Variants in KANSL1 observed in about 807,000 individuals in gnomAD.
The protein encoded by KANSL1 is KAT8 regulatory NSL complex subunit 1, also known as MLL1/MLL complex subunit KANSL1.
A neutral mutation model predicts 103.6 loss-of-function variants in KANSL1; 22 were observed. The observed-to-expected ratio is 0.21, with a 90% CI of 0.15 to 0.30. The LOEUF is 0.30. KANSL1 is among the 10% of genes least tolerant of loss of function. The pLI is 1.00. For synonymous variants in KANSL1, 600 were observed against 527.6 expected (o/e 1.14, Z -1.88); for missense variants, 1,337 against 1,399.8 (o/e 0.96, Z 0.72).
Position 46,030,142 on chromosome 17 carries a change from TTTTTG to T in KANSL1, c.*1329_*1333del, listed in dbSNP as rs2076965423. ...CAAGGTTTTTTTTTTCCATTTTTTG[TTTTTG>T]TTTTTTTTTTCAATGCTAAAAGGGT... On this transcript the variant is annotated 3_prime_UTR_variant, in exon 15 of 15. Transcript: ENST00000432791. 12 of 146,302 alleles carry T rather than the reference TTTTTG, an allele frequency of 8.2e-5. No individual in the cohort carries two copies. The Admixed American group carries it at 8.3e-4, about 10-fold the overall frequency. The allele number at this position is 146,302 out of a possible 1,614,324, so 9.1% of individuals were successfully genotyped here. A position where few individuals can be genotyped will look rare whatever the true frequency, so the allele number is the denominator to read the frequency against.
upstream of KANSL1, among the ~76,000 whole-genome samples, chr17:46,194,900 A>G (rs2532234): frequency 0.14 from 21,949 of 152,226 alleles, 2,137 homozygotes; most frequent in Non-Finnish European, 0.22. Flanking sequence ...GTTTCTGCGA[A>G]TTTCCATTTG....
At chr17:46,198,106 A>G (rs1238002386), upstream of KANSL1, among the ~76,000 whole-genome samples, 1 of 152,188 alleles carries the variant, frequency 6.6e-6, no homozygotes, top group African/African-American at 2.4e-5. Context: ...AAAGAGACAC[A>G]TCATAAGAAC....
intron 1 of KANSL1, among the ~76,000 whole-genome samples, chr17:46,202,683 C>T (rs1381000808): frequency 2.0e-5 from 3 of 152,078 alleles, no homozygotes; most frequent in Non-Finnish European, 4.4e-5. Flanking sequence ...TGCTAAAGGT[C>T]CTGTCTTATC....
upstream of KANSL1, chr17:46,193,499 C>G (rs1369358668): frequency 6.7e-6 from 1 of 148,798 alleles, no homozygotes; most frequent in Non-Finnish European, 1.5e-5. Flanking sequence ...CCGCCGGCTG[C>G]GGCTGCGGCG....
chr17:46,106,581 C>A (rs1466672595), intron 2 of KANSL1, among the ~76,000 whole-genome samples: 1 of 151,986 alleles, frequency 6.6e-6, no homozygotes, highest in South Asian at 2.1e-4. Flanking sequence ...TTAGTAGAGA[C>A]GGGGTTTCAC....
intron 1 of KANSL1, among the ~76,000 whole-genome samples, chr17:46,181,132 CCAGTCTAACAAAAAGG>C: frequency 6.6e-6 from 1 of 152,162 alleles, no homozygotes; most frequent in Non-Finnish European, 1.5e-5. Context: ...TGTGAAGGGG[CCAGTCTAACAAAAAGG>C]CCAAATATAT....
intron 6 of KANSL1, among the ~76,000 whole-genome samples, chr17:46,054,289 G>C (rs1426063951): frequency 6.6e-6 from 1 of 152,156 alleles, no homozygotes; most frequent in Non-Finnish European, 1.5e-5. Flanking sequence ...CCTGACCTCA[G>C]ATGATCCACC....
At chr17:46,197,083 C>A (rs1160697023), upstream of KANSL1, among the ~76,000 whole-genome samples, 10 of 152,126 alleles carry the variant, frequency 6.6e-5, no homozygotes, top group Admixed American at 6.6e-4. Context: ...CACTGCAAAC[C>A]AGCCTGGGCA....
chr17:46,190,157 C>A (rs1400049940), intron 1 of KANSL1, among the ~76,000 whole-genome samples: 7 of 152,172 alleles, frequency 4.6e-5, no homozygotes, highest in Non-Finnish European at 1.5e-5. Flanking sequence ...ACACTGGTTA[C>A]AATGTAGCAT....
intron 1 of KANSL1, among the ~76,000 whole-genome samples, chr17:46,179,410 G>C (rs2046677391): frequency 1.3e-5 from 2 of 152,202 alleles, no homozygotes; most frequent in Admixed American, 1.3e-4. Context: ...TAGCTGCAGA[G>C]AACAAAGGGG....
chr17:46,123,358 C>A (rs528379370), intron 2 of KANSL1, among the ~76,000 whole-genome samples: 1 of 152,304 alleles, frequency 6.6e-6, no homozygotes, highest in South Asian at 2.1e-4. Flanking sequence ...GCCTGGGCGG[C>A]AGAGCGAGAC....
rs1567791714 is a variant in KANSL1, at chr17:46,193,339, G to A, written c.-606C>T. ...GGTGCTCGGTTCTCCCGCCGGCTCG[G>A]CGAGCGGTGGCGGCGGTGGCGGCGG... On this transcript the variant is annotated 5_prime_UTR_variant, in exon 1 of 15. Transcript: ENST00000432791. The A allele has an allele frequency of 6.3e-6, 1 of 157,858 alleles. No homozygotes were observed. The allele number at this position is 157,858 out of a possible 1,614,324, so 9.8% of individuals were successfully genotyped here.
chr17:46,067,446 C>T (rs1205613674), intron 5 of KANSL1, 103 bp downstream of exon 5: 3 of 745,820 alleles, frequency 4.0e-6, no homozygotes, highest in Non-Finnish European at 4.8e-6. Context: ...GATAAGGCTT[C>T]CGCTTCTTTA....
At chr17:46,079,785 T>G (rs1430005832) in intron 4 of KANSL1, among the ~76,000 whole-genome samples, 1 of 152,186 alleles carries the variant, frequency 6.6e-6, no homozygotes, top group Non-Finnish European at 1.5e-5. Flanking sequence ...GAGACCAGCC[T>G]GGGCAACTTG....
At chr17:46,032,845 A>G (rs2077046904) in intron 13 of KANSL1, among the ~76,000 whole-genome samples, 1 of 152,190 alleles carries the variant, frequency 6.6e-6, no homozygotes, top group African/African-American at 2.4e-5. Flanking sequence ...ATTCAGAATT[A>G]CATAGTGACT....
Position 46,105,618 on chromosome 17 carries a change from A to G in KANSL1, c.1290-10917T>C, listed in dbSNP as rs187477412. On this transcript the variant is annotated intron_variant, in intron 2 of 14. Transcript: ENST00000432791. ...TGACAAGAGTGAAACCCTGTCTCAA[A>G]AAAACAAAAACAAAAAACCCCAAAA... 1.4e-3 allele frequency among the ~76,000 whole-genome samples: 212 copies of G among 152,128 alleles called. 1 individual carries two copies. Among genetic ancestry groups the G allele is most frequent in the African/African-American group, 4.8e-3 (199 of 41,482 alleles).
intron 3 of KANSL1, among the ~76,000 whole-genome samples, chr17:46,090,228 G>A (rs2079329343): frequency 6.6e-6 from 1 of 152,184 alleles, no homozygotes; most frequent in African/African-American, 2.4e-5. Context: ...AAAAGACAAG[G>A]AAGGATTCTT....
At chr17:46,078,608 G>GCA in intron 4 of KANSL1, among the ~76,000 whole-genome samples, 1 of 152,294 alleles carries the variant, frequency 6.6e-6, no homozygotes, top group Non-Finnish European at 1.5e-5. Flanking sequence ...AAGCTCTGGG[G>GCA]CACATGGACT....
intron 6 of KANSL1, 40 bp downstream of exon 6, chr17:46,066,497 G>A (rs368737260): frequency 2.5e-5 from 38 of 1,518,834 alleles, no homozygotes; most frequent in Non-Finnish European, 3.0e-5. Context: ...TGAGCATCTG[G>A]CTCACTGCTT....
Sources: gnomAD v4.1 joint callset for allele counts (sites outside exome capture counted in the v4.1 genomes callset) on GRCh38, gnomAD v4.1.1 for gene constraint, MANE v1.5 for transcripts, NCBI Gene and HGNC (gene_info 2026-07-23, HGNC 2026-07-21) for gene names.